The following CYFIP2 variants were observed in gnomAD, a reference collection of about 807,000 sequenced individuals.
CYFIP2 encodes cytoplasmic FMR1 interacting protein 2.
In CYFIP2, 29 loss-of-function variants were observed where a neutral mutation model predicts 158.7. The ratio of observed to expected loss-of-function variants is 0.18; its 90% CI spans 0.14 to 0.25. The LOEUF is 0.25. Ranked by LOEUF, CYFIP2 falls within the 10% of genes least tolerant of loss-of-function variation. The pLI, the probability that CYFIP2 is intolerant of heterozygous loss-of-function variation, is 1.00. For synonymous variants in CYFIP2, 585 were observed against 617.6 expected (o/e 0.95, Z 0.78); for missense variants, 852 against 1,639.5 (o/e 0.52, Z 8.29).
intron 23 of CYFIP2, among the ~76,000 whole-genome samples, chr5:157,345,057 G>A (rs563915124): frequency 2.0e-4 from 30 of 152,336 alleles, no homozygotes; most frequent in African/African-American, 7.0e-4. Context: ...GGGATGAGAC[G>A]GATGTGCTCA....
intron 26 of CYFIP2, among the ~76,000 whole-genome samples, chr5:157,368,006 C>T (rs1764588680): frequency 6.6e-6 from 1 of 152,158 alleles, no homozygotes; most frequent in Non-Finnish European, 1.5e-5. Flanking sequence ...GATCTGCCCA[C>T]CTCGGCCTCC....
intron 21 of CYFIP2, among the ~76,000 whole-genome samples, chr5:157,335,382 A>G (rs1171438721): frequency 1.3e-5 from 2 of 152,112 alleles, no homozygotes; most frequent in East Asian, 3.8e-4. Context: ...GGTTCAAGCA[A>G]TTCTCCTGCC....
At chr5:157,289,102 G>T (rs1223121593) in intron 3 of CYFIP2, among the ~76,000 whole-genome samples, 1 of 152,208 alleles carries the variant, frequency 6.6e-6, no homozygotes, top group African/African-American at 2.4e-5. Flanking sequence ...AAGTTAATAA[G>T]CAGGTTGCTC....
At chr5:157,275,158 G>A (rs1268587655) in intron 1 of CYFIP2, among the ~76,000 whole-genome samples, 1 of 151,970 alleles carries the variant, frequency 6.6e-6, no homozygotes, top group Non-Finnish European at 1.5e-5. Context: ...TTTCTTGATG[G>A]CGTCCTTTGA....
chr5:157,343,048 C>T (rs755706525), intron 23 of CYFIP2: 2 of 1,614,224 alleles, frequency 1.2e-6, no homozygotes, highest in South Asian at 1.1e-5. Flanking sequence ...CCGGGGCCTC[C>T]TCTGGCCATC....
At chr5:157,350,028 C>T (rs1762963959) in intron 23 of CYFIP2, among the ~76,000 whole-genome samples, 1 of 152,092 alleles carries the variant, frequency 6.6e-6, no homozygotes, top group Non-Finnish European at 1.5e-5. Flanking sequence ...GGGTATTAGT[C>T]CTTTGTCAGA....
In CYFIP2 at chr5:157,361,371, C is replaced by A. The variant is rs767676701; in HGVS notation, c.2909-97C>A. 63 of 1,545,598 alleles carry A rather than the reference C, an allele frequency of 4.1e-5. No individual in the cohort carries two copies. The highest frequency in any genetic ancestry group is 5.1e-5 in the Non-Finnish European group (58 of 1,132,436). On this transcript the variant is annotated intron_variant, in intron 25 of 30. Coordinates refer to ENST00000620254, the MANE Select transcript of CYFIP2 (RefSeq NM_001037333.3). This position sits in a 1 kb window ranked among gnomAD's most constrained non-coding sequence, Gnocchi z 4.4. ...ATGCGTGGTTTGGCTTTTTGCTATCCCAGAGTCAGGTCTGGGGCTGCCACT... is the reference window on the plus strand; with the variant it reads ...ATGCGTGGTTTGGCTTTTTGCTATCACAGAGTCAGGTCTGGGGCTGCCACT...
rs1209059748 is a variant in CYFIP2, at chr5:157,390,603, G to A, written c.3529G>A (p.Asp1177Asn). Residue 1177 changes from aspartate to asparagine, a missense_variant, in exon 30 of 31, where the codon GAC (aspartate) becomes AAC (asparagine). By Grantham distance (23) the Asp-to-Asn change is conservative. Around this residue, in one of 8 missense-constraint regions of CYFIP2, gnomAD observed 223 missense variants for 381.6 expected, o/e 0.58. Coordinates refer to ENST00000620254, the MANE Select transcript of CYFIP2 (RefSeq NM_001037333.3). ...LGQQRRFDLF[D>N]FCYHLLKVQR... ...CCAGCAGCGTCGCTTTGACCTGTTCGACTTCTGTTACCACCTGCTAAAAGT... is the reference window on the plus strand; with the variant it reads ...CCAGCAGCGTCGCTTTGACCTGTTCAACTTCTGTTACCACCTGCTAAAAGT... 2 of 1,570,728 alleles carry A rather than the reference G, an allele frequency of 1.3e-6. No individual in the cohort carries two copies. Among genetic ancestry groups the A allele is most frequent in the Admixed American group, 1.9e-5 (1 of 52,842 alleles).
rs145279573 is a variant in CYFIP2 at position 157,348,094 on chromosome 5, C to T, written c.2673+6937C>T. Among the ~76,000 whole-genome samples the T allele has an allele frequency of 4.6e-4, 70 of 152,386 alleles. No homozygotes were observed. The East Asian group carries it at 0.012, about 25-fold the overall frequency. ...GAGTCTGTGCAAGTTGTAGCCTCTT[C>T]GCTCTCAGGCCAGGTGAGCCCCAGC... On this transcript the variant is annotated intron_variant, in intron 23 of 30. Coordinates refer to ENST00000620254, the MANE Select transcript of CYFIP2 (RefSeq NM_001037333.3).
intron 1 of CYFIP2, among the ~76,000 whole-genome samples, chr5:157,284,944 A>T (rs1005027453): frequency 6.6e-6 from 1 of 152,242 alleles, no homozygotes; most frequent in Non-Finnish European, 1.5e-5. Flanking sequence ...ATCCTTATGA[A>T]GAACAAAAGG....
At chr5:157,342,650 T>C in intron 23 of CYFIP2, 1 of 509,134 alleles carries the variant, frequency 2.0e-6, no homozygotes, top group South Asian at 4.0e-5. Flanking sequence ...ACGCTGCTGC[T>C]GAGATGCCTC....
At chr5:157,382,092 CTTTTCTT>C (rs1766185586) in intron 26 of CYFIP2, among the ~76,000 whole-genome samples, 1 of 152,222 alleles carries the variant, frequency 6.6e-6, no homozygotes, top group Non-Finnish European at 1.5e-5. Context: ...TCTCGTCCCT[CTTTTCTT>C]GCTAGTTGAT....
At chr5:157,310,649 C>G (rs897811730) in intron 10 of CYFIP2, among the ~76,000 whole-genome samples, 3 of 152,206 alleles carry the variant, frequency 2.0e-5, no homozygotes, top group Admixed American at 6.5e-5. Flanking sequence ...TTTTCCCTGC[C>G]TGACTTCTCG....
Position 157,343,366 on chromosome 5 carries a change from C to T in CYFIP2, c.2673+2209C>T, listed in dbSNP as rs746101731. ...GATGTTCCAGCACCACGGAGCTGAT[C>T]GTTCGAGGCACCTTCTCCTCGTGGT... On this transcript the variant is annotated intron_variant, in intron 23 of 30. Transcript: ENST00000620254. The T allele has an allele frequency of 3.1e-6, 5 of 1,614,026 alleles. No homozygotes were observed. The East Asian group carries it at 8.9e-5, about 29-fold the overall frequency.
chr5:157,361,381 G>C lies in CYFIP2; in HGVS notation c.2909-87G>C, dbSNP rs552976797. Reference sequence around the variant, plus strand: ...TGGCTTTTTGCTATCCCAGAGTCAGGTCTGGGGCTGCCACTCAGTCATTGT... The same window carrying C: ...TGGCTTTTTGCTATCCCAGAGTCAGCTCTGGGGCTGCCACTCAGTCATTGT... On this transcript the variant is annotated intron_variant, in intron 25 of 30. Coordinates refer to ENST00000620254, the MANE Select transcript of CYFIP2 (RefSeq NM_001037333.3). The surrounding 1 kb of genome is among the most constrained non-coding windows in gnomAD (Gnocchi z 4.4). 1.0e-5 allele frequency: 16 copies of C among 1,576,500 alleles called. No individual in the cohort carries two copies. In the South Asian group the frequency reaches 1.6e-4, roughly 16 times the overall value.
chr5:157,282,973 AC>A (rs1167901555), intron 1 of CYFIP2, among the ~76,000 whole-genome samples: 1 of 152,254 alleles, frequency 6.6e-6, no homozygotes, highest in Non-Finnish European at 1.5e-5. Flanking sequence ...AGAACCATTA[AC>A]ACAGAGTGTT....
intron 26 of CYFIP2, among the ~76,000 whole-genome samples, chr5:157,371,949 C>T (rs1273534061): frequency 2.0e-5 from 3 of 151,546 alleles, no homozygotes; most frequent in African/African-American, 7.3e-5. Context: ...TAAACATTAG[C>T]GTGACACTTG....
chr5:157,311,375 C>T lies in CYFIP2; in HGVS notation c.993-289C>T, dbSNP rs560961180. On this transcript the variant is annotated intron_variant, in intron 10 of 30. Coordinates refer to ENST00000620254, the MANE Select transcript of CYFIP2 (RefSeq NM_001037333.3). The surrounding 1 kb of genome is among the most constrained non-coding windows in gnomAD (Gnocchi z 4.7). ...TGTAGTCCTAGAGAGGCTGTGTTCC[C>T]GCCCCTCTCATATTACTGGTAAGTA... 175 of 447,260 alleles carry T rather than the reference C, an allele frequency of 3.9e-4. No homozygotes were observed. Among genetic ancestry groups the T allele is most frequent in the African/African-American group, 3.0e-3 (153 of 50,362 alleles). The allele number at this position is 447,260 out of a possible 1,614,324, so 27.7% of individuals were successfully genotyped here. A position where few individuals can be genotyped will look rare whatever the true frequency, so the allele number is the denominator to read the frequency against.
chr5:157,353,762 A>C (rs1763230914), intron 23 of CYFIP2, among the ~76,000 whole-genome samples: 1 of 152,238 alleles, frequency 6.6e-6, no homozygotes, highest in Admixed American at 6.5e-5. Flanking sequence ...GGCTGATGAT[A>C]TCCATTAGAG....
Sources: gnomAD v4.1 joint callset for allele counts (sites outside exome capture counted in the v4.1 genomes callset) on GRCh38, gnomAD v4.1.1 for gene constraint, gnomAD v4.1.1 regional missense constraint, Gnocchi (gnomAD v3.1) non-coding constraint, MANE v1.5 for transcripts, NCBI Gene and HGNC (gene_info 2026-07-23, HGNC 2026-07-21) for gene names.